CPNE4: variants seen among roughly 807,000 people sequenced by gnomAD.
CPNE4 encodes the protein copine 4, also known as copine-4.
Under a neutral mutation model 67.9 loss-of-function variants are expected in CPNE4, and 25 were observed. The ratio of observed to expected loss-of-function variants is 0.37; its 90% confidence interval spans 0.27 to 0.51. The LOEUF is 0.51. CPNE4 is among the 20% of genes least tolerant of loss of function. CPNE4 has a pLI of 0.93. For synonymous variants in CPNE4, 242 were observed against 244.9 expected, an observed-to-expected ratio of 0.99 and a Z score of 0.11; for missense variants, 464 against 690.8, an observed-to-expected ratio of 0.67 and a Z score of 3.68.
upstream of CPNE4, among the ~76,000 whole-genome samples, chr3:132,035,657 G>T (rs147421092): frequency 2.6e-5 from 4 of 152,260 alleles, no homozygotes; most frequent in African/African-American, 9.6e-5. Flanking sequence ...AGAAAGTATG[G>T]CCTTCCTATT....
chr3:131,891,039 G>A (rs2088092512), intron 2 of CPNE4, among the ~76,000 whole-genome samples: 1 of 152,040 alleles, frequency 6.6e-6, no homozygotes, highest in Non-Finnish European at 1.5e-5. Flanking sequence ...TTAATAATAA[G>A]GTATTGTGTA....
chr3:131,653,902 T>G (rs6439312), intron 7 of CPNE4, among the ~76,000 whole-genome samples: 6 of 152,056 alleles, frequency 3.9e-5, no homozygotes, highest in South Asian at 2.1e-4. Flanking sequence ...GAGATCTTGT[T>G]TCAGACTAGG....
intron 1 of CPNE4, among the ~76,000 whole-genome samples, chr3:131,932,493 A>T (rs2071092959): frequency 6.6e-6 from 1 of 152,110 alleles, no homozygotes; most frequent in Non-Finnish European, 1.5e-5. Flanking sequence ...AAGTGTATGA[A>T]TATATACCTA....
intron 2 of CPNE4, among the ~76,000 whole-genome samples, chr3:131,772,492 G>A (rs2083192844): frequency 6.6e-6 from 1 of 152,046 alleles, no homozygotes; most frequent in Non-Finnish European, 1.5e-5. Flanking sequence ...AGGGATTCTT[G>A]ATAGTATCAG....
intron 7 of CPNE4, among the ~76,000 whole-genome samples, chr3:131,594,360 C>T (rs534529652): frequency 6.6e-6 from 1 of 151,850 alleles, no homozygotes; most frequent in African/African-American, 2.4e-5. Context: ...GCAAATAGAC[C>T]AATAGAACAG....
At chr3:131,924,187 C>G (rs1290177428) in intron 1 of CPNE4, among the ~76,000 whole-genome samples, 2 of 152,202 alleles carry the variant, frequency 1.3e-5, no homozygotes, top group African/African-American at 2.4e-5. Flanking sequence ...CATGACATAT[C>G]TTGTCTCCCT....
chr3:131,995,108 G>A (rs1342027033), intron 1 of CPNE4, among the ~76,000 whole-genome samples: 1 of 152,040 alleles, frequency 6.6e-6, no homozygotes, highest in Admixed American at 6.6e-5. Flanking sequence ...TCCAACCCCT[G>A]CCTCCCAAAA....
chr3:131,850,169 A>G (rs2086180546), intron 2 of CPNE4, among the ~76,000 whole-genome samples: 1 of 152,096 alleles, frequency 6.6e-6, no homozygotes, highest in African/African-American at 2.4e-5. Context: ...GCCAATATCC[A>G]GAATTTTTCT....
chr3:131,981,856 T>C (rs907150505), intron 1 of CPNE4, among the ~76,000 whole-genome samples: 1 of 152,178 alleles, frequency 6.6e-6, no homozygotes, highest in African/African-American at 2.4e-5. Flanking sequence ...ACCTTCAGCT[T>C]CTCCAGTAGG....
At chr3:131,799,793 A>G (rs925207253) in intron 2 of CPNE4, among the ~76,000 whole-genome samples, 2 of 152,132 alleles carry the variant, frequency 1.3e-5, no homozygotes, top group African/African-American at 2.4e-5. Context: ...GAAGTGGCCA[A>G]TGCCAGCAGT....
At chr3:131,709,688 G>T (rs1000655258) in intron 3 of CPNE4, among the ~76,000 whole-genome samples, 1 of 152,236 alleles carries the variant, frequency 6.6e-6, no homozygotes, top group Admixed American at 6.5e-5. Context: ...GTTACTTCAA[G>T]GTTCAAATGC....
intron 2 of CPNE4, among the ~76,000 whole-genome samples, chr3:131,763,679 A>T (rs1316940930): frequency 6.6e-6 from 1 of 152,128 alleles, no homozygotes; most frequent in Non-Finnish European, 1.5e-5. Flanking sequence ...TTGGTTGCTA[A>T]CATCAAGGAA....
In CPNE4 at chr3:131,991,404, A is replaced by C. The variant is rs140573727; in HGVS notation, c.-2+43163T>G. ...TGAAATCCAGGCTAAGGTGGTCTAA[A>C]ATGGAGATGAGGAACTGTTGGGAAC... On this transcript the variant is annotated intron_variant, in intron 1 of 15. Coordinates refer to ENST00000429747, the MANE Select transcript of CPNE4 (RefSeq NM_130808.3). Among the ~76,000 whole-genome samples the C allele has an allele frequency of 2.5e-4, 34 of 136,274 alleles. 1 individual carries two copies. Among genetic ancestry groups the C allele is most frequent in the African/African-American group, 7.6e-4 (31 of 40,796 alleles). The allele number at this position is 136,274 out of a possible 152,430, so 89.4% of individuals were successfully genotyped here. A position where few individuals can be genotyped will look rare whatever the true frequency, so the allele number is the denominator to read the frequency against.
chr3:131,542,376 T>C (rs1238993400), intron 15 of CPNE4, among the ~76,000 whole-genome samples, 181 bp downstream of exon 15: 1 of 152,024 alleles, frequency 6.6e-6, no homozygotes, highest in Non-Finnish European at 1.5e-5. Context: ...TTGTGGGAGA[T>C]GACGTGGCCC....
intron 2 of CPNE4, among the ~76,000 whole-genome samples, chr3:131,864,027 A>G (rs1305472784): frequency 6.6e-6 from 1 of 151,872 alleles, no homozygotes; most frequent in Non-Finnish European, 1.5e-5. Context: ...GATATGCGGC[A>G]TTATTTCTGA....
chr3:131,887,222 T>C (rs181381360), intron 2 of CPNE4, among the ~76,000 whole-genome samples: 3 of 152,336 alleles, frequency 2.0e-5, no homozygotes, highest in African/African-American at 7.2e-5. Context: ...GATGGTTTTA[T>C]CTAGGGTTTC....
chr3:131,973,490 A>G (rs574945221), intron 1 of CPNE4, among the ~76,000 whole-genome samples: 6 of 152,334 alleles, frequency 3.9e-5, no homozygotes, highest in African/African-American at 1.4e-4. Flanking sequence ...TATATTGATT[A>G]ACTTATTCTT....
intron 10 of CPNE4, among the ~76,000 whole-genome samples, chr3:131,567,002 C>T (rs1316738522): frequency 6.6e-6 from 1 of 151,898 alleles, no homozygotes; most frequent in African/African-American, 2.4e-5. Flanking sequence ...GCCCACCTCA[C>T]TTCTATTCAT....
chr3:131,789,794 A>G (rs931632000), intron 2 of CPNE4, among the ~76,000 whole-genome samples: 9 of 151,512 alleles, frequency 5.9e-5, no homozygotes, highest in African/African-American at 2.2e-4. Flanking sequence ...TTGAGGGGGC[A>G]TATACACAAG....
Sources: allele counts gnomAD v4.1 joint callset (sites outside exome capture counted in the v4.1 genomes callset), GRCh38; gene constraint gnomAD v4.1.1; transcripts MANE v1.5; gene names NCBI Gene and HGNC (gene_info 2026-07-23, HGNC 2026-07-21).